UGT1A10: variants seen among roughly 807,000 people sequenced by gnomAD.
The protein encoded by UGT1A10 is UDP-glucuronosyltransferase 1A10.
UGT1A10 carries 49 observed loss-of-function variants against 45.8 expected under a neutral mutation model. The ratio of observed to expected loss-of-function variants is 1.07; its 90% CI spans 0.85 to 1.36. UGT1A10 has a LOEUF of 1.36. Among genes scored for constraint, UGT1A10 ranks in the 40% most tolerant of loss-of-function variants. The probability of loss-of-function intolerance (pLI) is 0.00; values close to 1 mark genes in which losing one functional copy is unlikely to be tolerated. For synonymous variants in UGT1A10, 284 were observed against 249.7 expected (o/e 1.14, Z -1.29); for missense variants, 745 against 668.6 (o/e 1.11, Z -1.26).
intron 1 of UGT1A10, among the ~76,000 whole-genome samples, chr2:233,719,880 G>A (rs28898611): frequency 2.0e-5 from 3 of 152,144 alleles, no homozygotes; most frequent in Non-Finnish European, 4.4e-5. Flanking sequence ...GAAGAGGCAC[G>A]GATGAGGGTC....
At chr2:233,643,380 T>G (rs1239010414) in intron 1 of UGT1A10, among the ~76,000 whole-genome samples, 3 of 152,016 alleles carry the variant, frequency 2.0e-5, no homozygotes, top group African/African-American at 7.2e-5. Flanking sequence ...TGGTGTTCCC[T>G]TAAGGCCCAA....
At chr2:233,671,807 A>ATTTTTTTTTT in intron 1 of UGT1A10, 1 of 1,373,166 alleles carries the variant, frequency 7.3e-7, no homozygotes. Context: ...TCAGTGACTG[A>ATTTTTTTTTT]TTTTTTTTTT....
At chr2:233,733,959 G>A (rs561727271) in intron 1 of UGT1A10, among the ~76,000 whole-genome samples, 43 of 152,168 alleles carry the variant, frequency 2.8e-4, no homozygotes, top group African/African-American at 9.4e-4. Context: ...CCTGTTGTGG[G>A]GTAGGGGGAG....
At chr2:233,680,980 G>A (rs1217672333) in intron 1 of UGT1A10, among the ~76,000 whole-genome samples, 3 of 151,976 alleles carry the variant, frequency 2.0e-5, no homozygotes, top group Admixed American at 1.3e-4. Flanking sequence ...CATGGAGGCA[G>A]GGTTGTCAAT....
In UGT1A10 at chr2:233,755,161, CG is replaced by C. The variant is rs146856809; in HGVS notation, c.856-11869del. The stretch of plus-strand genomic sequence containing the variant: ...CTTCTCACCGCTTCCTCCCTGTCCT[CG>C]GGGTTTTTGTCGGGGTGCCACTTGA... On this transcript the variant is annotated intron_variant, in intron 1 of 4. Transcript: ENST00000344644. 2.3e-3 allele frequency: 2,947 copies of C among 1,292,234 alleles called. 56 individuals carry two copies. The African/African-American group carries it at 0.041, about 18-fold the overall frequency. The allele number at this position is 1,292,234 out of a possible 1,614,324, so 80.0% of individuals were successfully genotyped here.
intron 1 of UGT1A10, chr2:233,672,202 T>A (rs1054481134): frequency 4.3e-6 from 7 of 1,613,900 alleles, no homozygotes; most frequent in Non-Finnish European, 5.9e-6. Flanking sequence ...GGACCGGGAG[T>A]TCAAGGCTTT....
At chr2:233,760,280 A>G (rs1365658904) in intron 1 of UGT1A10, 1 of 1,612,818 alleles carries the variant, frequency 6.2e-7, no homozygotes, top group Non-Finnish European at 8.5e-7. Flanking sequence ...GGCAGGAGCA[A>G]AGGCGCCATG....
intron 1 of UGT1A10, chr2:233,690,434 GTC>G: frequency 2.4e-6 from 3 of 1,268,416 alleles, no homozygotes; most frequent in Non-Finnish European, 3.1e-6. Flanking sequence ...ACATCTTTGG[GTC>G]TCTCCTCTAT....
At chr2:233,719,461 T>C (rs1219690957) in intron 1 of UGT1A10, 1 of 1,613,972 alleles carries the variant, frequency 6.2e-7, no homozygotes, top group Non-Finnish European at 8.5e-7. Context: ...GTCAAGAACA[T>C]GCTCTACCCT....
At chr2:233,757,646 G>T (rs1696690182) in intron 1 of UGT1A10, among the ~76,000 whole-genome samples, 1 of 150,442 alleles carries the variant, frequency 6.6e-6, no homozygotes, top group South Asian at 2.1e-4. Context: ...ACAAAATGCT[G>T]TTTTTCTGGG....
At chr2:233,665,048 T>C (rs888673661) in intron 1 of UGT1A10, among the ~76,000 whole-genome samples, 1 of 152,244 alleles carries the variant, frequency 6.6e-6, no homozygotes, top group Non-Finnish European at 1.5e-5. Context: ...TTTTCATTTT[T>C]TGAAATTATT....
chr2:233,671,640 A>G (rs1008430775), intron 1 of UGT1A10, among the ~76,000 whole-genome samples: 1 of 152,234 alleles, frequency 6.6e-6, no homozygotes, highest in African/African-American at 2.4e-5. Flanking sequence ...GTCCAAAAGC[A>G]TTGGTTAATA....
chr2:233,640,840 T>C (rs576165573), intron 1 of UGT1A10, among the ~76,000 whole-genome samples: 6 of 152,268 alleles, frequency 3.9e-5, no homozygotes, highest in Admixed American at 3.3e-4. Flanking sequence ...TTTGTCATTG[T>C]TGCTATGTCA....
rs950932071 is a variant in UGT1A10 at position 233,766,252 on chromosome 2, CGCTCAGTGGCCCGG to C, written c.856-777_856-764del. ...GGAAGGGTTTCCCCTGGAGTCAGAC[CGCTCAGTGGCCCGG>C]GCTCGGTGGCCCGGGCTCGGTGGCC... On this transcript the variant is annotated intron_variant, in intron 1 of 4. Coordinates refer to ENST00000344644, the MANE Select transcript of UGT1A10 (RefSeq NM_019075.4). 1.1e-4 allele frequency among the ~76,000 whole-genome samples: 17 copies of C among 151,626 alleles called. 1 individual carries two copies. The highest frequency in any genetic ancestry group is 3.4e-4 in the African/African-American group (14 of 41,194).
rs1314591388 is a variant in UGT1A10, at chr2:233,636,724, A to G, written c.202A>G (p.Arg68Gly). The G allele has an allele frequency of 8.7e-6, 14 of 1,614,092 alleles. No individual in the cohort carries two copies. The highest frequency in any genetic ancestry group is 1.1e-5 in the Non-Finnish European group (13 of 1,180,044). ...GCCAGAGGTGAGTTGGCAACTGGAA[A>G]GATCACTGAATTGCACAGTGAAGAC... ...VMPEVSWQLERSLNCTVKTYS... is the reference protein window; with the variant it reads ...VMPEVSWQLEGSLNCTVKTYS... The change falls in exon 1 of 5, where the codon AGA becomes GGA. Residue 68 changes from arginine (R) to glycine (G), a missense_variant. Coordinates refer to ENST00000344644, the MANE Select transcript of UGT1A10 (RefSeq NM_019075.4).
chr2:233,713,619 AG>A (rs2076334398), intron 1 of UGT1A10: 1 of 1,613,856 alleles, frequency 6.2e-7, no homozygotes, highest in African/African-American at 1.3e-5. Flanking sequence ...ATTCCTGCAA[AG>A]GGTCAAGAAC....
At chr2:233,717,751 C>T (rs1175015057) in intron 1 of UGT1A10, 3 of 456,586 alleles carry the variant, frequency 6.6e-6, no homozygotes, top group East Asian at 1.4e-4. Context: ...GGGTCTCCCC[C>T]TAGAAAGGCA....
intron 1 of UGT1A10, among the ~76,000 whole-genome samples, chr2:233,757,694 G>A (rs757732265): frequency 2.0e-5 from 3 of 151,666 alleles, no homozygotes; most frequent in Non-Finnish European, 4.4e-5. Flanking sequence ...ATTCAAGGAA[G>A]GTGGCTTTGC....
intron 1 of UGT1A10, chr2:233,755,460 GCT>G (rs1695928623): frequency 3.6e-6 from 1 of 281,062 alleles, no homozygotes. Flanking sequence ...GACTGGCCCT[GCT>G]CTCTGTGAGG....
Sources: gnomAD v4.1 joint callset for allele counts (sites outside exome capture counted in the v4.1 genomes callset) on GRCh38, gnomAD v4.1.1 for gene constraint, MANE v1.5 for transcripts, NCBI Gene and HGNC (gene_info 2026-07-23, HGNC 2026-07-21) for gene names.